The following RAPGEF6 variants were observed in gnomAD, a reference collection of about 807,000 sequenced individuals.
The protein encoded by RAPGEF6 is Rap guanine nucleotide exchange factor 6.
RAPGEF6 carries 56 observed loss-of-function variants against 171.4 expected under a neutral mutation model. The ratio of observed to expected loss-of-function variants is 0.33; its 90% CI spans 0.26 to 0.41. The LOEUF is 0.41. Among genes scored for constraint, RAPGEF6 ranks in the 10% least tolerant of loss-of-function variants. The pLI, the probability that RAPGEF6 is intolerant of heterozygous loss-of-function variation, is 1.00. For missense variants in RAPGEF6, 1,674 were observed against 1,921.4 expected (o/e 0.87, Z 2.41); for synonymous variants, 692 against 650.1 (o/e 1.06, Z -0.98).
At chr5:131,621,880 C>G (rs1765614682) in intron 1 of RAPGEF6, among the ~76,000 whole-genome samples, 1 of 152,138 alleles carries the variant, frequency 6.6e-6, no homozygotes, top group Non-Finnish European at 1.5e-5. Flanking sequence ...CTTTGCTCTT[C>G]TCCCCCAAAG....
At position 131,603,415 on chromosome 5, in the gene RAPGEF6, T is replaced by C. The variant is rs139177186; in HGVS notation, c.141-88A>G. 100 of 867,010 alleles carry C rather than the reference T, an allele frequency of 1.2e-4. No individual in the cohort carries two copies. The African/African-American group carries it at 1.3e-3, about 12-fold the overall frequency. 53.7% of individuals were successfully genotyped at this position (867,010 alleles called of 1,614,324 possible). A position where few individuals can be genotyped will look rare whatever the true frequency, so the allele number is the denominator to read the frequency against. ...ACCTCAACTAATTATTATAATCTAATTGATTGTTAGAAAATGACCAAATCT... is the reference window on the plus strand; with the variant it reads ...ACCTCAACTAATTATTATAATCTAACTGATTGTTAGAAAATGACCAAATCT... On this transcript the variant is annotated intron_variant, in intron 2 of 27. Coordinates refer to ENST00000509018, the MANE Select transcript of RAPGEF6 (RefSeq NM_016340.6).
intron 5 of RAPGEF6, among the ~76,000 whole-genome samples, chr5:131,556,409 AAAT>A (rs1037954020): frequency 2.8e-4 from 43 of 152,240 alleles, no homozygotes; most frequent in African/African-American, 1.0e-3. Flanking sequence ...TCTGTCTCAA[AAAT>A]AATAATAAGA....
intron 21 of RAPGEF6, among the ~76,000 whole-genome samples, chr5:131,448,650 C>G (rs1580838126): frequency 6.6e-6 from 1 of 152,006 alleles, no homozygotes; most frequent in African/African-American, 2.4e-5. Context: ...AATAAAAACA[C>G]TGTGATAAAC....
intron 1 of RAPGEF6, among the ~76,000 whole-genome samples, chr5:131,630,622 A>C (rs1766240994): frequency 6.6e-6 from 1 of 152,176 alleles, no homozygotes; most frequent in Non-Finnish European, 1.5e-5. Flanking sequence ...AAGTAGGAGA[A>C]ATCTCTCACA....
At chr5:131,544,440 A>ACC (rs561766908) in intron 6 of RAPGEF6, among the ~76,000 whole-genome samples, 1 of 151,728 alleles carries the variant, frequency 6.6e-6, no homozygotes, top group African/African-American at 2.4e-5. Flanking sequence ...AAAGAAGCCC[A>ACC]CCCCCCCAAA....
intron 6 of RAPGEF6, among the ~76,000 whole-genome samples, chr5:131,543,878 T>G (rs556266807): frequency 6.6e-6 from 1 of 152,322 alleles, no homozygotes; most frequent in African/African-American, 2.4e-5. Context: ...CATTTAAATT[T>G]GTTGCAAACT....
At chr5:131,500,784 G>A (rs1041660850) in intron 11 of RAPGEF6, among the ~76,000 whole-genome samples, 4 of 151,984 alleles carry the variant, frequency 2.6e-5, no homozygotes, top group African/African-American at 9.7e-5. Flanking sequence ...TTTCTCAAAA[G>A]ACTGTGAGTT....
chr5:131,446,663 C>A lies in RAPGEF6; in HGVS notation c.3241G>T (p.Val1081Phe), dbSNP rs371503810. 1 of 1,614,178 alleles carries A rather than the reference C, an allele frequency of 6.2e-7. No homozygotes were observed. Among genetic ancestry groups the A allele is most frequent in the Non-Finnish European group, 8.5e-7 (1 of 1,179,982 alleles). ...CTTTTTTTGTGAGCACCTCCCTGAA[C>A]ATCCAGCATGTTTGAATTTGTGCTT... ...QGSTNSNMLD[V>F]QGGAHKKRAR... The change falls in exon 22 of 28, where the codon GTT becomes TTT. Residue 1081 changes from valine to phenylalanine, a missense_variant. Val to Phe is a conservative substitution (Grantham distance 50). This residue lies in a region of RAPGEF6 where 1,116 missense variants were observed against 1,321.5 expected (regional missense o/e 0.84). Coordinates refer to ENST00000509018, the MANE Select transcript of RAPGEF6 (RefSeq NM_016340.6).
At position 131,462,076 on chromosome 5, in the gene RAPGEF6, T is replaced by C; in HGVS notation, c.2493A>G (p.Lys831=). The C allele has an allele frequency of 6.5e-7, 1 of 1,539,626 alleles. No individual in the cohort carries two copies. The change falls in exon 19 of 28, where the codon AAA becomes AAG. Residue 831 remains lysine, a synonymous_variant. Transcript: ENST00000509018. ...ATAAGGTTTCTGTTTCCATGTTATT[T>C]TTTAAGTAATACCTAAATGGAAAAA... ...RIQLNGRYYL[K]NNMETETLCS... is the part of the protein sequence containing the mutation.
chr5:131,603,983 T>C lies in RAPGEF6; in HGVS notation c.140+640A>G, dbSNP rs1580661137. Among the ~76,000 whole-genome samples the C allele has an allele frequency of 3.3e-5, 5 of 152,084 alleles. No individual in the cohort carries two copies. The South Asian group carries it at 1.0e-3, about 31-fold the overall frequency. On this transcript the variant is annotated intron_variant, in intron 2 of 27. Transcript: ENST00000509018. ...TATATAGTTAAGTGTTTTATAGCACTCGAAAGTGTTTTTATAAATATAATC... is the reference window on the plus strand; with the variant it reads ...TATATAGTTAAGTGTTTTATAGCACCCGAAAGTGTTTTTATAAATATAATC...
intron 7 of RAPGEF6, chr5:131,511,211 T>C (rs1053633540): frequency 6.6e-6 from 1 of 152,220 alleles, no homozygotes. Context: ...AAGTCATTCA[T>C]AGAAAATAAT....
rs1196495730 is a variant in RAPGEF6, at chr5:131,505,985, C to T, written c.943-463G>A. Among the ~76,000 whole-genome samples the T allele has an allele frequency of 2.0e-5, 3 of 151,832 alleles. No homozygotes were observed. The South Asian group carries it at 6.2e-4, about 32-fold the overall frequency. ...AGAATAGTGCCTGGCAAAAAGCAAA[C>T]ATTTAAGAAAAAAAATAGATAGCTA... On this transcript the variant is annotated intron_variant, in intron 9 of 27. Coordinates refer to ENST00000509018, the MANE Select transcript of RAPGEF6 (RefSeq NM_016340.6).
At chr5:131,533,568 AATTAAC>A (rs1479015642) in intron 6 of RAPGEF6, among the ~76,000 whole-genome samples, 2 of 152,068 alleles carry the variant, frequency 1.3e-5, no homozygotes, top group African/African-American at 2.4e-5. Context: ...GATCACTCTA[AATTAAC>A]ATTAAGAATA....
chr5:131,522,719 TTC>T (rs1758580704), intron 6 of RAPGEF6, among the ~76,000 whole-genome samples: 1 of 152,150 alleles, frequency 6.6e-6, no homozygotes, highest in Non-Finnish European at 1.5e-5. Flanking sequence ...TAAGAATATT[TTC>T]TGATTCCTAA....
intron 1 of RAPGEF6, among the ~76,000 whole-genome samples, chr5:131,618,043 C>T (rs1014158756): frequency 6.6e-6 from 1 of 152,102 alleles, no homozygotes; most frequent in Admixed American, 6.5e-5. Flanking sequence ...TTTGGATAAA[C>T]GGCTGACTTC....
At chr5:131,521,887 A>T (rs1272444772) in intron 6 of RAPGEF6, among the ~76,000 whole-genome samples, 81 of 130,812 alleles carry the variant, frequency 6.2e-4, no homozygotes, top group African/African-American at 2.1e-3. Flanking sequence ...ACACACACAC[A>T]CACACTCTCT....
chr5:131,465,520 A>C (rs1754275181), intron 17 of RAPGEF6, among the ~76,000 whole-genome samples: 1 of 152,124 alleles, frequency 6.6e-6, no homozygotes. Flanking sequence ...TATGACTCAC[A>C]CCTGTAATCC....
intron 1 of RAPGEF6, among the ~76,000 whole-genome samples, chr5:131,619,435 T>G (rs1447062172): frequency 6.6e-6 from 1 of 152,210 alleles, no homozygotes; most frequent in Non-Finnish European, 1.5e-5. Flanking sequence ...AACCTGCACG[T>G]TCTGCACATG....
rs534296870 is a variant in RAPGEF6 at position 131,585,538 on chromosome 5, G to C, written c.281+6845C>G. 2.4e-4 allele frequency among the ~76,000 whole-genome samples: 37 copies of C among 152,096 alleles called. 1 individual carries two copies. Among genetic ancestry groups the C allele is most frequent in the African/African-American group, 8.7e-4 (36 of 41,512 alleles). On this transcript the variant is annotated intron_variant, in intron 4 of 27. Transcript: ENST00000509018. ...CAGAAACTCAAAAAAAAACAAAAATGCAACCAGCTGGGCACAGTGGCTCAC... is the reference window on the plus strand; with the variant it reads ...CAGAAACTCAAAAAAAAACAAAAATCCAACCAGCTGGGCACAGTGGCTCAC...
Sources: allele counts gnomAD v4.1 joint callset (sites outside exome capture counted in the v4.1 genomes callset), GRCh38; gene constraint gnomAD v4.1.1; regional missense constraint gnomAD v4.1.1; transcripts MANE v1.5; gene names NCBI Gene and HGNC (gene_info 2026-07-23, HGNC 2026-07-21).